TICRR: variants seen among roughly 807,000 people sequenced by gnomAD.
The protein encoded by TICRR is TOPBP1 interacting checkpoint and replication regulator.
TICRR carries 132 observed loss-of-function variants against 178.1 expected under a neutral mutation model. The observed-to-expected ratio is 0.74, with a 90% CI of 0.64 to 0.86. The LOEUF is 0.86. Ranked by LOEUF, TICRR falls within the 40% of genes least tolerant of loss-of-function variation. The pLI, the probability that TICRR is intolerant of heterozygous loss-of-function variation, is 0.00. For missense variants in TICRR, 2,587 were observed against 2,334.3 expected (o/e 1.11, Z -2.23); for synonymous variants, 991 against 900.7 (o/e 1.10, Z -1.79).
chr15:89,620,839 C>T (rs1442305037), intron 18 of TICRR, among the ~76,000 whole-genome samples: 2 of 151,928 alleles, frequency 1.3e-5, no homozygotes, highest in Non-Finnish European at 2.9e-5. Flanking sequence ...TCTCCTGCCT[C>T]AGCCTCCTGA....
intron 16 of TICRR, among the ~76,000 whole-genome samples, chr15:89,617,517 T>C (rs1435840613): frequency 6.6e-6 from 1 of 152,070 alleles, no homozygotes; most frequent in Non-Finnish European, 1.5e-5. Context: ...CAAAACCACA[T>C]TCTAACCATC....
At chr15:89,621,356 G>A in intron 18 of TICRR, 37 bp from the exon 19 acceptor site, 3 of 1,579,512 alleles carry the variant, frequency 1.9e-6, no homozygotes, top group African/African-American at 2.7e-5. Context: ...CAGGAATTGA[G>A]AAAGAATTAA....
At chr15:89,611,883 T>G (rs1460379453) in intron 15 of TICRR, among the ~76,000 whole-genome samples, 5 of 152,216 alleles carry the variant, frequency 3.3e-5, no homozygotes, top group Admixed American at 3.3e-4. Context: ...TTCCATTAGT[T>G]TCTTATATAT....
chr15:89,577,310 G>A (rs756044318), intron 1 of TICRR, among the ~76,000 whole-genome samples: 6 of 152,120 alleles, frequency 3.9e-5, no homozygotes, highest in African/African-American at 4.8e-5. Context: ...GATTTTTGCT[G>A]AGGCGGTGAG....
At chr15:89,626,909 C>T (rs756341427) in intron 21 of TICRR, 47 bp from the exon 22 acceptor site, 46 of 1,592,720 alleles carry the variant, frequency 2.9e-5, no homozygotes, top group South Asian at 1.7e-4. Context: ...TTTTTCAGTT[C>T]GGTCCTCTGT....
chr15:89,626,911 G>A (rs1963538438), intron 21 of TICRR, 45 bp from the exon 22 acceptor site: 2 of 1,595,910 alleles, frequency 1.3e-6, no homozygotes, highest in East Asian at 4.5e-5. Flanking sequence ...TTTCAGTTCG[G>A]TCCTCTGTGA....
At position 89,601,475 on chromosome 15, in the gene TICRR, A is replaced by G. The variant is rs568649835; in HGVS notation, c.2248-14A>G. ...GAGGGCATCTATATAGTAACGTTCT[A>G]AAATCTCCTTCAGGTGACAGATTTG... is the stretch of plus-strand genomic sequence containing the variant. On this transcript the variant is annotated splice_polypyrimidine_tract_variant and intron_variant, in intron 10 of 21. Transcript: ENST00000268138. 93 of 1,614,106 alleles carry G rather than the reference A, an allele frequency of 5.8e-5. No homozygotes were observed. In the East Asian group the frequency reaches 2.0e-3, roughly 34 times the overall value.
At chr15:89,612,591 C>A (rs1178791185) in intron 15 of TICRR, among the ~76,000 whole-genome samples, 1 of 152,210 alleles carries the variant, frequency 6.6e-6, no homozygotes. Context: ...GATCATCAGT[C>A]TCTCCCATCA....
intron 1 of TICRR, among the ~76,000 whole-genome samples, chr15:89,576,873 A>G (rs1962631543): frequency 1.4e-5 from 2 of 145,584 alleles, no homozygotes; most frequent in African/African-American, 5.0e-5. Context: ...ACACACACAC[A>G]TATATATACA....
At chr15:89,583,133 A>G (rs889498674) in intron 2 of TICRR, among the ~76,000 whole-genome samples, 168 bp downstream of exon 2, 3 of 152,222 alleles carry the variant, frequency 2.0e-5, no homozygotes, top group Admixed American at 6.5e-5. Context: ...TACTGTAGGA[A>G]AGAGTTGAAC....
intron 1 of TICRR, among the ~76,000 whole-genome samples, chr15:89,577,942 G>A (rs1962654925): frequency 6.6e-6 from 1 of 152,158 alleles, no homozygotes; most frequent in South Asian, 2.1e-4. Context: ...GAATTGAATG[G>A]TGAAGGAGGA....
At chr15:89,614,132 C>G (rs776074397) in intron 15 of TICRR, among the ~76,000 whole-genome samples, 1 of 151,820 alleles carries the variant, frequency 6.6e-6, no homozygotes, top group Non-Finnish European at 1.5e-5. Flanking sequence ...CCAGCCTGGG[C>G]AACAGAGCGA....
Position 89,602,832 on chromosome 15 carries a change from G to T in TICRR, c.2604G>T (p.Glu868Asp). ...TAATAAGACATAAAAGCATTGCTGAGGTTTCACAGAATCTTCGACAAATTG... is the reference window on the plus strand; with the variant it reads ...TAATAAGACATAAAAGCATTGCTGATGTTTCACAGAATCTTCGACAAATTG... ...NALIRHKSIA[E>D]VSQNLRQIEI... The change falls in exon 13 of 22, where the codon GAG (glutamate) becomes GAT (aspartate). Residue 868 changes from glutamate to aspartate, a missense_variant. Glu to Asp is a conservative substitution (Grantham distance 45). Coordinates refer to ENST00000268138, the MANE Select transcript of TICRR (RefSeq NM_152259.4). 6.6e-7 allele frequency: 1 copy of T among 1,522,692 alleles called. No individual in the cohort carries two copies. Among genetic ancestry groups the T allele is most frequent in the South Asian group, 1.3e-5 (1 of 74,322 alleles). 94.3% of individuals were successfully genotyped at this position (1,522,692 alleles called of 1,614,324 possible).
chr15:89,579,481 G>T (rs947151325), intron 1 of TICRR, among the ~76,000 whole-genome samples: 49 of 152,224 alleles, frequency 3.2e-4, no homozygotes, highest in African/African-American at 1.1e-3. Context: ...GAGTAGCTGG[G>T]ATTACAGGCG....
At chr15:89,610,527 C>T (rs1963241018) in intron 15 of TICRR, among the ~76,000 whole-genome samples, 1 of 152,180 alleles carries the variant, frequency 6.6e-6, no homozygotes, top group Non-Finnish European at 1.5e-5. Context: ...GCTCCCCACC[C>T]ACCAGCTCTT....
chr15:89,597,155 T>C (rs1010900472), intron 7 of TICRR, among the ~76,000 whole-genome samples: 1 of 152,222 alleles, frequency 6.6e-6, no homozygotes, highest in African/African-American at 2.4e-5. Context: ...TAGTAATTTT[T>C]TTCTGCTGCT....
chr15:89,601,664 T>G, intron 11 of TICRR, 73 bp from the exon 12 acceptor site: 1 of 1,610,818 alleles, frequency 6.2e-7, no homozygotes, highest in Non-Finnish European at 8.5e-7. Flanking sequence ...GGACTACTTT[T>G]TAGGCTGGGT....
At chr15:89,617,329 A>C (rs529520303) in intron 16 of TICRR, among the ~76,000 whole-genome samples, 1 of 152,158 alleles carries the variant, frequency 6.6e-6, no homozygotes, top group Non-Finnish European at 1.5e-5. Flanking sequence ...ATATATTTTT[A>C]ATTAAATTTT....
At chr15:89,581,117 A>G (rs1310320046) in intron 1 of TICRR, among the ~76,000 whole-genome samples, 1 of 152,218 alleles carries the variant, frequency 6.6e-6, no homozygotes, top group Non-Finnish European at 1.5e-5. Flanking sequence ...TGCTGGGACC[A>G]TGGACGATTC....
Sources: allele counts gnomAD v4.1 joint callset (sites outside exome capture counted in the v4.1 genomes callset), GRCh38; gene constraint gnomAD v4.1.1; transcripts MANE v1.5; gene names NCBI Gene and HGNC (gene_info 2026-07-23, HGNC 2026-07-21).